Variants in ROBO1 observed in about 807,000 individuals in gnomAD.
ROBO1 encodes the protein roundabout homolog 1.
A neutral mutation model predicts 195.9 loss-of-function variants in ROBO1; 149 were observed. That is an observed-to-expected ratio of 0.76 (90% CI 0.67 to 0.87). ROBO1 has a LOEUF of 0.87. Ranked by LOEUF, ROBO1 falls within the 40% of genes least tolerant of loss-of-function variation. The pLI, the probability that ROBO1 is intolerant of heterozygous loss-of-function variation, is 0.00. For missense variants in ROBO1, 1,933 were observed against 2,068.3 expected (o/e 0.93, Z 1.27); for synonymous variants, 816 against 733.2 (o/e 1.11, Z -1.82).
intron 2 of ROBO1, among the ~76,000 whole-genome samples, chr3:79,335,697 T>G (rs2034637920): frequency 6.6e-6 from 1 of 152,026 alleles, no homozygotes; most frequent in Non-Finnish European, 1.5e-5. Flanking sequence ...GCTAATACAG[T>G]AAATTGGTAC....
intron 3 of ROBO1, among the ~76,000 whole-genome samples, chr3:79,060,594 C>T (rs1559630265): frequency 6.6e-6 from 1 of 151,836 alleles, no homozygotes; most frequent in Non-Finnish European, 1.5e-5. Context: ...TGGTTCCCCC[C>T]ATAATAAAAT....
chr3:79,742,273 C>T (rs1703679537), intron 1 of ROBO1, among the ~76,000 whole-genome samples: 1 of 152,198 alleles, frequency 6.6e-6, no homozygotes, highest in South Asian at 2.1e-4. Flanking sequence ...CTGTTACAGG[C>T]ATGGGGGCCT....
chr3:78,958,827 T>A (rs946665736), intron 3 of ROBO1, among the ~76,000 whole-genome samples: 6 of 150,694 alleles, frequency 4.0e-5, no homozygotes, highest in African/African-American at 1.5e-4. Context: ...TTCTTTTTTT[T>A]TTTTTTTTTT....
intron 2 of ROBO1, among the ~76,000 whole-genome samples, chr3:79,262,417 AG>A (rs2082956422): frequency 6.6e-6 from 1 of 152,116 alleles, no homozygotes. Flanking sequence ...TGAATCATTT[AG>A]AGACTGAAAT....
At chr3:79,581,436 C>A (rs1482730588) in intron 2 of ROBO1, among the ~76,000 whole-genome samples, 1 of 152,070 alleles carries the variant, frequency 6.6e-6, no homozygotes. Flanking sequence ...ATTACAAATA[C>A]GAGTTTCTTC....
chr3:78,753,125 A>G (rs1376223308), intron 4 of ROBO1, among the ~76,000 whole-genome samples: 1 of 152,202 alleles, frequency 6.6e-6, no homozygotes, highest in Non-Finnish European at 1.5e-5. Context: ...GAATGAACAC[A>G]AGGCATTGCA....
chr3:79,672,340 A>ATGTTCTCCC (rs11282196), intron 1 of ROBO1, among the ~76,000 whole-genome samples: 46,764 of 151,534 alleles, frequency 0.31, 8,662 homozygotes, highest in African/African-American at 0.53. Context: ...ACTTTGAATA[A>ATGTTCTCCC]TGTCAATCTT....
intron 2 of ROBO1, among the ~76,000 whole-genome samples, chr3:79,577,808 A>G (rs1454061039): frequency 6.6e-6 from 1 of 151,916 alleles, no homozygotes. Context: ...GCTACTCAAG[A>G]GGCTGATGCA....
At chr3:78,947,372 C>A (rs897292883) in intron 3 of ROBO1, among the ~76,000 whole-genome samples, 3 of 152,198 alleles carry the variant, frequency 2.0e-5, no homozygotes, top group Non-Finnish European at 4.4e-5. Flanking sequence ...AAGAAACTCA[C>A]TCAAAACCGC....
intron 1 of ROBO1, among the ~76,000 whole-genome samples, chr3:79,701,116 T>A (rs1040438643): frequency 6.6e-6 from 1 of 151,756 alleles, no homozygotes; most frequent in African/African-American, 2.4e-5. Flanking sequence ...TCAACTTTGT[T>A]GAAAATAAGA....
intron 10 of ROBO1, among the ~76,000 whole-genome samples, chr3:78,682,453 G>GTA (rs539335028): frequency 6.9e-6 from 1 of 144,498 alleles, no homozygotes; most frequent in South Asian, 2.1e-4. Context: ...GTGTGTATAT[G>GTA]TATATATATG....
intron 2 of ROBO1, among the ~76,000 whole-genome samples, chr3:79,331,749 C>T (rs1424425703): frequency 6.6e-6 from 1 of 152,144 alleles, no homozygotes; most frequent in Non-Finnish European, 1.5e-5. Flanking sequence ...TAAATAAACT[C>T]TTGGAGGACA....
intron 3 of ROBO1, among the ~76,000 whole-genome samples, chr3:79,115,214 A>G (rs2079970443): frequency 6.6e-6 from 1 of 152,136 alleles, no homozygotes; most frequent in African/African-American, 2.4e-5. Flanking sequence ...TAGCATCGGC[A>G]AAGCTCAAGT....
intron 1 of ROBO1, among the ~76,000 whole-genome samples, chr3:79,624,638 A>G (rs753576400): frequency 6.6e-6 from 1 of 152,214 alleles, no homozygotes; most frequent in South Asian, 2.1e-4. Flanking sequence ...CAATTCAACA[A>G]GAAGAGCGAA....
At chr3:79,703,320 TAAG>T (rs1009849686) in intron 1 of ROBO1, among the ~76,000 whole-genome samples, 1 of 151,792 alleles carries the variant, frequency 6.6e-6, no homozygotes, top group Non-Finnish European at 1.5e-5. Flanking sequence ...TCTATTTAAT[TAAG>T]AAGAACAATT....
intron 1 of ROBO1, among the ~76,000 whole-genome samples, chr3:79,755,439 C>G (rs748898738): frequency 2.6e-5 from 4 of 152,012 alleles, no homozygotes; most frequent in Non-Finnish European, 5.9e-5. Context: ...CAAAAAAACC[C>G]TCACAGCTCA....
intron 4 of ROBO1, among the ~76,000 whole-genome samples, chr3:78,776,064 A>G (rs761665092): frequency 2.0e-5 from 3 of 152,012 alleles, no homozygotes; most frequent in East Asian, 3.9e-4. Flanking sequence ...ACCATGCTAT[A>G]TTTGCTTATT....
chr3:79,675,327 T>A (rs1946753196), intron 1 of ROBO1, among the ~76,000 whole-genome samples: 1 of 152,054 alleles, frequency 6.6e-6, no homozygotes, highest in Non-Finnish European at 1.5e-5. Context: ...AGCAAAAGTA[T>A]GTCTAAGATT....
At chr3:79,078,312 G>A (rs2079211137) in intron 3 of ROBO1, among the ~76,000 whole-genome samples, 1 of 151,610 alleles carries the variant, frequency 6.6e-6, no homozygotes, top group South Asian at 2.1e-4. Context: ...AATTATTCTT[G>A]GATATAAGAT....
Sources: allele counts gnomAD v4.1 joint callset (sites outside exome capture counted in the v4.1 genomes callset), GRCh38; gene constraint gnomAD v4.1.1; transcripts MANE v1.5; gene names NCBI Gene and HGNC (gene_info 2026-07-23, HGNC 2026-07-21).